Variants in USH2A observed in about 807,000 individuals in gnomAD.
The protein encoded by USH2A is usherin, also known as Usher syndrome 2A (autosomal recessive, mild).
A neutral mutation model predicts 538.9 loss-of-function variants in USH2A; 443 were observed. The ratio of observed to expected loss-of-function variants is 0.82; its 90% CI spans 0.76 to 0.89. USH2A has a LOEUF of 0.89. Ranked by LOEUF, USH2A falls within the 40% of genes least tolerant of loss-of-function variation. USH2A has a pLI of 0.00. For missense variants in USH2A, 6,633 were observed against 6,324.8 expected, an observed-to-expected ratio of 1.05 and a Z score of -1.65; for synonymous variants, 2,413 against 2,273.5, an observed-to-expected ratio of 1.06 and a Z score of -1.75.
rs149527374 is a variant in USH2A at position 215,839,515 on chromosome 1, C to T, written c.9259-1412G>A. Among the ~76,000 whole-genome samples, 5 of 152,290 alleles carry T rather than the reference C, an allele frequency of 3.3e-5. No homozygotes were observed. The East Asian group carries it at 9.7e-4, about 29-fold the overall frequency. ...CTTCTCATCTAAATGTTAAACATAA[C>T]TTTAAGCTCTAAACTACTTAGGTAT... is the stretch of plus-strand genomic sequence containing the variant. On this transcript the variant is annotated intron_variant, in intron 46 of 71. Transcript: ENST00000307340.
chr1:216,373,245 T>G (rs940751012), intron 3 of USH2A, among the ~76,000 whole-genome samples: 1 of 152,204 alleles, frequency 6.6e-6, no homozygotes, highest in Admixed American at 6.5e-5. Flanking sequence ...TAAAATACTT[T>G]CAATGAAAGG....
chr1:216,343,340 G>A (rs2038112057), intron 4 of USH2A, among the ~76,000 whole-genome samples: 1 of 147,648 alleles, frequency 6.8e-6, no homozygotes, highest in Non-Finnish European at 1.5e-5. Flanking sequence ...GCTTCAAACT[G>A]GACTGGACAA....
At chr1:215,652,132 GTCCTTCCAATGGAAACCT>G (rs1657103889) in intron 64 of USH2A, among the ~76,000 whole-genome samples, 1 of 152,110 alleles carries the variant, frequency 6.6e-6, no homozygotes, top group Non-Finnish European at 1.5e-5. Context: ...AGCTTATTTA[GTCCTTCCAATGGAAACCT>G]TGTAAGGTGA....
intron 47 of USH2A, among the ~76,000 whole-genome samples, chr1:215,835,846 A>C (rs1051612832): frequency 6.6e-6 from 1 of 152,158 alleles, no homozygotes; most frequent in Non-Finnish European, 1.5e-5. Flanking sequence ...AATATTGCTT[A>C]CAAAATTGTG....
At chr1:216,189,444 G>A (rs958976586) in intron 20 of USH2A, among the ~76,000 whole-genome samples, 2 of 151,756 alleles carry the variant, frequency 1.3e-5, no homozygotes, top group African/African-American at 4.8e-5. Flanking sequence ...AGGAAACTAA[G>A]CTTTTATCTA....
chr1:215,728,438 T>G, intron 60 of USH2A, 54 bp from the exon 61 acceptor site: 1 of 1,544,942 alleles, frequency 6.5e-7, no homozygotes, highest in Non-Finnish European at 8.9e-7. Flanking sequence ...CAAAACAAAG[T>G]TTGTAGATGG....
At chr1:216,421,372 A>G (rs2039673804) in intron 2 of USH2A, among the ~76,000 whole-genome samples, 1 of 152,186 alleles carries the variant, frequency 6.6e-6, no homozygotes, top group African/African-American at 2.4e-5. Flanking sequence ...CATGAGTCAA[A>G]CAAACAGCTC....
At chr1:215,628,670 T>C (rs1438943889) in intron 71 of USH2A, 144 bp downstream of exon 71, 1 of 822,186 alleles carries the variant, frequency 1.2e-6, no homozygotes, top group African/African-American at 1.7e-5. Flanking sequence ...GAAGTAACAT[T>C]AGTAAACCGG....
chr1:215,901,316 T>C lies in USH2A; in HGVS notation c.7301-411A>G, dbSNP rs142129991. The C allele has an allele frequency of 9.3e-5, 28 of 300,988 alleles. No individual in the cohort carries two copies. The East Asian group carries it at 2.3e-3, about 25-fold the overall frequency. The allele number at this position is 300,988 out of a possible 1,614,324, so 18.6% of individuals were successfully genotyped here. ...ATATTCTTCCCCCCGATATCATCCA[T>C]TGCTGCCTTAATCACACCACTACAT... On this transcript the variant is annotated intron_variant, in intron 38 of 71. Coordinates refer to ENST00000307340, the MANE Select transcript of USH2A (RefSeq NM_206933.4).
At chr1:216,241,194 G>A (rs751311041) in intron 13 of USH2A, among the ~76,000 whole-genome samples, 11 of 152,132 alleles carry the variant, frequency 7.2e-5, no homozygotes, top group Non-Finnish European at 1.0e-4. Context: ...ATCTTCTATA[G>A]GAGGAAGACA....
chr1:216,410,250 G>C (rs1055058037), intron 3 of USH2A, among the ~76,000 whole-genome samples: 12 of 152,044 alleles, frequency 7.9e-5, no homozygotes, highest in African/African-American at 2.9e-4. Context: ...GGCTGATGTT[G>C]GGAGTGTAAA....
chr1:216,039,744 T>C (rs1172818954), intron 32 of USH2A, among the ~76,000 whole-genome samples: 1 of 151,976 alleles, frequency 6.6e-6, no homozygotes, highest in African/African-American at 2.4e-5. Flanking sequence ...CGGATAGAAG[T>C]GCCTAACCTT....
chr1:216,261,008 T>C (rs2036358662), intron 11 of USH2A, among the ~76,000 whole-genome samples: 1 of 152,142 alleles, frequency 6.6e-6, no homozygotes. Context: ...CTCATAAACA[T>C]GAGTAAAGGC....
chr1:215,926,960 C>T (rs905213582), intron 38 of USH2A, among the ~76,000 whole-genome samples: 1 of 152,042 alleles, frequency 6.6e-6, no homozygotes, highest in African/African-American at 2.4e-5. Flanking sequence ...TTTACATTTA[C>T]TCTGTATTGC....
At chr1:216,192,636 A>T (rs1286099166) in intron 19 of USH2A, among the ~76,000 whole-genome samples, 1 of 152,060 alleles carries the variant, frequency 6.6e-6, no homozygotes, top group Non-Finnish European at 1.5e-5. Context: ...CAGGAAGAGA[A>T]GATTGCAGTG....
intron 32 of USH2A, among the ~76,000 whole-genome samples, 173 bp from the exon 33 acceptor site, chr1:216,000,735 A>T (rs1204348841): frequency 1.3e-5 from 2 of 152,134 alleles, no homozygotes; most frequent in Non-Finnish European, 2.9e-5. Context: ...TCCCTTAAAT[A>T]TACTTTGGTT....
intron 61 of USH2A, among the ~76,000 whole-genome samples, chr1:215,713,119 T>C (rs1161759461): frequency 6.6e-6 from 1 of 152,224 alleles, no homozygotes; most frequent in Non-Finnish European, 1.5e-5. Flanking sequence ...AAGAAAACTT[T>C]TCCTTTTTTT....
Position 215,743,412 on chromosome 1 carries a change from G to GTATATATA in USH2A, c.11390-78_11390-77insTATATATA, listed in dbSNP as rs1397687417. ...TGTGTGTGTGTGTGTGTGTGTGTGT[G>GTATATATA]TGTGTATATATATATAGACACACAT... On this transcript the variant is annotated intron_variant, in intron 58 of 71. Transcript: ENST00000307340. The GTATATATA allele has an allele frequency of 2.5e-5, 11 of 434,006 alleles. 1 individual carries two copies. Among genetic ancestry groups the GTATATATA allele is most frequent in the Admixed American group, 1.6e-4 (3 of 19,170 alleles). 26.9% of individuals were successfully genotyped at this position (434,006 alleles called of 1,614,324 possible).
chr1:216,176,385 G>A (rs1391943759), intron 20 of USH2A, among the ~76,000 whole-genome samples: 3 of 151,996 alleles, frequency 2.0e-5, no homozygotes, highest in East Asian at 3.9e-4. Flanking sequence ...ACAGACAGGT[G>A]CCACTACGCC....
Sources: gnomAD v4.1 joint callset for allele counts (sites outside exome capture counted in the v4.1 genomes callset) on GRCh38, gnomAD v4.1.1 for gene constraint, MANE v1.5 for transcripts, NCBI Gene and HGNC (gene_info 2026-07-23, HGNC 2026-07-21) for gene names.